The following CLCA4 variants were observed in gnomAD, a reference collection of about 807,000 sequenced individuals.
CLCA4 encodes calcium-activated chloride channel regulator 4.
In CLCA4, 69 loss-of-function variants were observed where a neutral mutation model predicts 78.9. The ratio of observed to expected loss-of-function variants is 0.87; its 90% CI spans 0.72 to 1.07. The LOEUF (loss-of-function observed/expected upper bound fraction) is 1.07. Ranked by LOEUF, CLCA4 falls within the 50% of genes least tolerant of loss-of-function variation. The probability of loss-of-function intolerance (pLI) is 0.00; values close to 1 mark genes in which losing one functional copy is unlikely to be tolerated. For synonymous variants in CLCA4, 362 were observed against 375.8 expected (o/e 0.96, Z 0.42); for missense variants, 1,133 against 1,095.8 (o/e 1.03, Z -0.48).
At position 86,575,576 on chromosome 1, in the gene CLCA4, T is replaced by C. The variant is rs780100889; in HGVS notation, c.1928T>C (p.Leu643Ser). ...IESQNGHTEV[L>S]ELLDNGAGAD... ...TCACAGAATGGACATACAGAAGTTT[T>C]GGAACTTTTGGATAATGGTGCAGGT... The change falls in exon 11 of 14, where the codon TTG becomes TCG. Residue 643 changes from leucine (L) to serine (S), a missense_variant. Leu to Ser is a moderately radical substitution (Grantham distance 145). Transcript: ENST00000370563. 6.2e-7 allele frequency: 1 copy of C among 1,612,600 alleles called. No individual in the cohort carries two copies. Among genetic ancestry groups the C allele is most frequent in the Non-Finnish European group, 8.5e-7 (1 of 1,179,080 alleles).
At chr1:86,551,777 A>C (rs1406710981) in intron 1 of CLCA4, among the ~76,000 whole-genome samples, 3 of 152,214 alleles carry the variant, frequency 2.0e-5, no homozygotes, top group Non-Finnish European at 2.9e-5. Context: ...TGATCTCCAA[A>C]CAGACAAATA....
intron 4 of CLCA4, 43 bp downstream of exon 4, chr1:86,563,812 C>G: frequency 1.9e-6 from 2 of 1,073,682 alleles, no homozygotes; most frequent in East Asian, 2.5e-5. Context: ...AGGCTTTTAT[C>G]CATTCTTATT....
chr1:86,549,021 A>G (rs1486596060), intron 1 of CLCA4, among the ~76,000 whole-genome samples: 1 of 152,208 alleles, frequency 6.6e-6, no homozygotes, highest in African/African-American at 2.4e-5. Context: ...ATTTTTTTAA[A>G]GCCTCTGGCA....
rs775729660 is a variant in CLCA4, at chr1:86,567,567, T to C, written c.1098T>C (p.Asp366=). ...AGCTAATCCAAATAAAAAGCAGTGA[T>C]GAAAGAAACACACTCATGGCAGGAT... ...VNKLIQIKSS[D]ERNTLMAGLP... is the part of the protein sequence containing the mutation. Residue 366 remains aspartate, a synonymous_variant, in exon 7 of 14, where the codon GAT becomes GAC. Transcript: ENST00000370563. 6.2e-7 allele frequency: 1 copy of C among 1,613,352 alleles called. No homozygotes were observed. The highest frequency in any genetic ancestry group is 1.1e-5 in the South Asian group (1 of 91,060).
intron 13 of CLCA4, 107 bp from the exon 14 acceptor site, chr1:86,579,835 C>T: frequency 1.2e-6 from 1 of 826,000 alleles, no homozygotes; most frequent in East Asian, 2.6e-5. Context: ...ATGAGTAAGG[C>T]TTTTGATCTA....
chr1:86,567,080 C>T (rs1352504482), intron 6 of CLCA4, among the ~76,000 whole-genome samples: 1 of 151,858 alleles, frequency 6.6e-6, no homozygotes, highest in Non-Finnish European at 1.5e-5. Flanking sequence ...CTGAAGACAA[C>T]AAGCACAGGA....
Position 86,547,091 on chromosome 1 carries a change from T to C in CLCA4, c.-29T>C. ...GAAAAGCCTCTTGAACAAACCAACATTTGAGCCAGGAATAACTAGAGAGGA... is the reference window on the plus strand; with the variant it reads ...GAAAAGCCTCTTGAACAAACCAACACTTGAGCCAGGAATAACTAGAGAGGA... On this transcript the variant is annotated 5_prime_UTR_variant, in exon 1 of 14. Transcript: ENST00000370563. 1 of 1,583,506 alleles carries C rather than the reference T, an allele frequency of 6.3e-7. No homozygotes were observed. The highest frequency in any genetic ancestry group is 8.5e-7 in the Non-Finnish European group (1 of 1,172,128).
intron 13 of CLCA4, 141 bp from the exon 14 acceptor site, chr1:86,579,801 C>A (rs1355424873): frequency 6.9e-6 from 5 of 720,542 alleles, no homozygotes. Flanking sequence ...GAGCTTAAGA[C>A]CAGAATTCAG....
chr1:86,551,235 T>C (rs149788160), intron 1 of CLCA4, among the ~76,000 whole-genome samples: 1 of 152,332 alleles, frequency 6.6e-6, no homozygotes, highest in Admixed American at 6.5e-5. Flanking sequence ...ATTATGTTAT[T>C]TTTATTTCAA....
rs771794320 is a variant in CLCA4 at position 86,579,441 on chromosome 1, G to T, written c.2210G>T (p.Gly737Val). The T allele has an allele frequency of 1.2e-6, 2 of 1,613,258 alleles. No individual in the cohort carries two copies. The highest frequency in any genetic ancestry group is 1.7e-6 in the Non-Finnish European group (2 of 1,179,522). The change falls in exon 13 of 14, where the codon GGT (glycine) becomes GTT (valine). Residue 737 changes from glycine (G) to valine (V), a missense_variant. Transcript: ENST00000370563. The part of the protein sequence containing the change: ...LEDFSRTASG[G>V]AFVVSQVPSL... ...GATTTCAGCCGAACAGCATCCGGAG[G>T]TGCATTTGTGGTATCACAAGTCCCA...
Position 86,577,903 on chromosome 1 carries a change from C to T in CLCA4, c.1953C>T (p.Gly651=), listed in dbSNP as rs138241227. 3.2e-5 allele frequency: 51 copies of T among 1,608,430 alleles called. No individual in the cohort carries two copies. In the African/African-American group the frequency reaches 4.0e-4, roughly 13 times the overall value. The change falls in exon 12 of 14, where the codon GGC becomes GGT. Residue 651 remains glycine, a splice_region_variant and synonymous_variant. Transcript: ENST00000370563. ...TTATTCCTTCATTTCTATAACAAGG[C>T]GCTGATTCTTTCAAGAATGATGGAG... ...EVLELLDNGA[G]ADSFKNDGVY...
intron 3 of CLCA4, among the ~76,000 whole-genome samples, chr1:86,562,760 A>C (rs1011038127): frequency 1.3e-5 from 2 of 151,576 alleles, no homozygotes; most frequent in Non-Finnish European, 1.5e-5. Context: ...AGGCTGAGGC[A>C]AGAGAATCAC....
intron 2 of CLCA4, 50 bp from the exon 3 acceptor site, chr1:86,560,161 T>C (rs1649973799): frequency 1.3e-6 from 2 of 1,572,448 alleles, no homozygotes; most frequent in Admixed American, 2.0e-5. Flanking sequence ...TCTAACTGAA[T>C]ATTATCTTTT....
chr1:86,549,011 A>T (rs996058856), intron 1 of CLCA4, among the ~76,000 whole-genome samples: 1 of 152,152 alleles, frequency 6.6e-6, no homozygotes, highest in African/African-American at 2.4e-5. Context: ...GAGCAGTAAA[A>T]TTTTTTTAAA....
intron 11 of CLCA4, among the ~76,000 whole-genome samples, chr1:86,575,995 G>A (rs564274590): frequency 1.3e-5 from 2 of 152,136 alleles, no homozygotes; most frequent in South Asian, 2.1e-4. Context: ...GGGAGGATGA[G>A]GACAGAGGAT....
At chr1:86,570,528 A>T (rs1650319254) in intron 7 of CLCA4, among the ~76,000 whole-genome samples, 1 of 152,056 alleles carries the variant, frequency 6.6e-6, no homozygotes, top group South Asian at 2.1e-4. Context: ...ATTAGAAGTA[A>T]ATGAAAGTTG....
chr1:86,568,144 T>C (rs1024085628), intron 7 of CLCA4, among the ~76,000 whole-genome samples: 5 of 151,884 alleles, frequency 3.3e-5, no homozygotes, highest in African/African-American at 7.2e-5. Flanking sequence ...AGTTAGAGCA[T>C]GAACTTTGAC....
chr1:86,567,365 A>C (rs1650228281), intron 6 of CLCA4, 59 bp from the exon 7 acceptor site: 1 of 1,345,284 alleles, frequency 7.4e-7, no homozygotes, highest in Admixed American at 2.2e-5. Context: ...ATTTTATGTG[A>C]TCTTCTATTA....
chr1:86,563,707 T>G lies in CLCA4; in HGVS notation c.495T>G (p.Phe165Leu), dbSNP rs1210574696. The change falls in exon 4 of 14, where the codon TTT becomes TTG. Residue 165 changes from phenylalanine to leucine, a missense_variant. Physicochemically the swap from Phe to Leu is conservative, Grantham distance 22. Coordinates refer to ENST00000370563, the MANE Select transcript of CLCA4 (RefSeq NM_012128.4). ...GGGCTCACCTCCGGTGGGGAGTGTT[T>G]GATGAGTACAATGAAGATCAGCCTT... ...HEWAHLRWGV[F>L]DEYNEDQPFY... The G allele has an allele frequency of 6.2e-7, 1 of 1,607,774 alleles. No individual in the cohort carries two copies. Among genetic ancestry groups the G allele is most frequent in the Admixed American group, 1.7e-5 (1 of 59,128 alleles).
Sources: gnomAD v4.1 joint callset for allele counts (sites outside exome capture counted in the v4.1 genomes callset) on GRCh38, gnomAD v4.1.1 for gene constraint, MANE v1.5 for transcripts, NCBI Gene and HGNC (gene_info 2026-07-23, HGNC 2026-07-21) for gene names.